The following PIK3AP1 variants were observed in gnomAD, a reference collection of about 807,000 sequenced individuals.
The protein encoded by PIK3AP1 is phosphoinositide-3-kinase adaptor protein 1.
Under a neutral mutation model 88.1 loss-of-function variants are expected in PIK3AP1, and 21 were observed. The ratio of observed to expected loss-of-function variants is 0.24; its 90% CI spans 0.17 to 0.34. The LOEUF (loss-of-function observed/expected upper bound fraction) is 0.34, where lower values mean the gene tolerates loss of function less well. Among genes scored for constraint, PIK3AP1 ranks in the 10% least tolerant of loss-of-function variants. The pLI, the probability that PIK3AP1 is intolerant of heterozygous loss-of-function variation, is 1.00. For synonymous variants in PIK3AP1, 398 were observed against 400.0 expected, an observed-to-expected ratio of 1.00 and a Z score of 0.06; for missense variants, 828 against 1,035.7, an observed-to-expected ratio of 0.80 and a Z score of 2.75.
chr10:96,663,675 A>G (rs769246126), intron 2 of PIK3AP1, among the ~76,000 whole-genome samples: 1 of 151,494 alleles, frequency 6.6e-6, no homozygotes, highest in Non-Finnish European at 1.5e-5. Context: ...GGCAAATCAC[A>G]AACAGTTTAA....
intron 1 of PIK3AP1, among the ~76,000 whole-genome samples, chr10:96,719,805 A>T (rs1247406627): frequency 6.6e-6 from 1 of 152,194 alleles, no homozygotes; most frequent in Admixed American, 6.5e-5. Flanking sequence ...AAAGTTCTGC[A>T]AAGGACGCAG....
At chr10:96,603,923 C>G in intron 15 of PIK3AP1, 56 bp downstream of exon 15, 3 of 1,440,728 alleles carry the variant, frequency 2.1e-6, no homozygotes, top group Admixed American at 4.5e-5. Flanking sequence ...GTTTCTATCT[C>G]TTGCGATGAA....
chr10:96,620,591 C>G lies in PIK3AP1; in HGVS notation c.1736-34G>C, dbSNP rs374339646. ...GATGGCAAAACTCAGCTTGACAGCT[C>G]CCCCACTGGGGACCACTCACCAGAA... is the stretch of plus-strand genomic sequence containing the variant. On this transcript the variant is annotated intron_variant, in intron 11 of 16. Coordinates refer to ENST00000339364, the MANE Select transcript of PIK3AP1 (RefSeq NM_152309.3). 9.1e-5 allele frequency: 146 copies of G among 1,596,024 alleles called. No homozygotes were observed. In the African/African-American group the frequency reaches 1.7e-3, roughly 18 times the overall value.
chr10:96,650,170 A>G (rs1843517129), intron 6 of PIK3AP1, among the ~76,000 whole-genome samples: 1 of 152,224 alleles, frequency 6.6e-6, no homozygotes, highest in African/African-American at 2.4e-5. Context: ...CTGCAAGAAC[A>G]TTCCATAGTA....
intron 2 of PIK3AP1, among the ~76,000 whole-genome samples, chr10:96,691,244 C>T (rs529509091): frequency 2.6e-5 from 4 of 152,286 alleles, no homozygotes; most frequent in South Asian, 2.1e-4. Flanking sequence ...CCCCACCTCC[C>T]GCAAACAGCA....
intron 2 of PIK3AP1, among the ~76,000 whole-genome samples, chr10:96,680,286 G>A (rs1169478257): frequency 3.9e-5 from 6 of 151,946 alleles, no homozygotes; most frequent in African/African-American, 7.3e-5. Flanking sequence ...AGCTTTTAGC[G>A]GCCACATCAT....
intron 2 of PIK3AP1, among the ~76,000 whole-genome samples, chr10:96,674,258 C>G (rs974265458): frequency 6.6e-6 from 1 of 152,176 alleles, no homozygotes; most frequent in Non-Finnish European, 1.5e-5. Context: ...AGCACAAACG[C>G]AATTACTAAC....
At chr10:96,684,796 G>A (rs1305411870) in intron 2 of PIK3AP1, among the ~76,000 whole-genome samples, 2 of 152,120 alleles carry the variant, frequency 1.3e-5, no homozygotes, top group Non-Finnish European at 2.9e-5. Flanking sequence ...CATCAGCAAT[G>A]GAAAACCTAA....
At chr10:96,713,940 G>A (rs898836622) in intron 1 of PIK3AP1, among the ~76,000 whole-genome samples, 5 of 152,088 alleles carry the variant, frequency 3.3e-5, no homozygotes, top group South Asian at 2.1e-4. Flanking sequence ...TTGGGAGGCC[G>A]AGGCAGGCGG....
At chr10:96,696,564 A>G (rs1844224208) in intron 2 of PIK3AP1, among the ~76,000 whole-genome samples, 1 of 152,212 alleles carries the variant, frequency 6.6e-6, no homozygotes, top group African/African-American at 2.4e-5. Flanking sequence ...ACATCCTGTA[A>G]TAACAGGGAA....
intron 2 of PIK3AP1, among the ~76,000 whole-genome samples, chr10:96,686,488 C>T (rs574157619): frequency 6.6e-6 from 1 of 152,272 alleles, no homozygotes; most frequent in African/African-American, 2.4e-5. Flanking sequence ...CAAAGAGAAA[C>T]CACAGGTAAC....
chr10:96,716,278 T>A (rs1217431262), intron 1 of PIK3AP1, among the ~76,000 whole-genome samples: 1 of 151,938 alleles, frequency 6.6e-6, no homozygotes, highest in African/African-American at 2.4e-5. Flanking sequence ...TGAGACCCTG[T>A]CTCATTAAAT....
At chr10:96,629,846 A>T (rs1419069854) in intron 8 of PIK3AP1, among the ~76,000 whole-genome samples, 1 of 144,500 alleles carries the variant, frequency 6.9e-6, no homozygotes, top group South Asian at 2.3e-4. Flanking sequence ...ATGAACTGTG[A>T]TCATGCCACT....
At chr10:96,699,881 G>C (rs1276487599) in intron 2 of PIK3AP1, among the ~76,000 whole-genome samples, 2 of 152,160 alleles carry the variant, frequency 1.3e-5, no homozygotes, top group Non-Finnish European at 2.9e-5. Context: ...AAATAATGTC[G>C]ATAAAAGGGT....
At chr10:96,660,886 T>C (rs1001174378) in intron 2 of PIK3AP1, among the ~76,000 whole-genome samples, 5 of 151,940 alleles carry the variant, frequency 3.3e-5, no homozygotes, top group African/African-American at 4.8e-5. Context: ...TATTACTAAG[T>C]GAAAGAAGTC....
At chr10:96,621,419 T>C (rs1843079537) in intron 11 of PIK3AP1, 1 of 152,628 alleles carries the variant, frequency 6.6e-6, no homozygotes, top group African/African-American at 2.4e-5. Context: ...CAGAACCCCA[T>C]TCTTGAGAGA....
At chr10:96,641,916 T>C (rs937832262) in intron 8 of PIK3AP1, among the ~76,000 whole-genome samples, 2 of 152,190 alleles carry the variant, frequency 1.3e-5, no homozygotes, top group African/African-American at 4.8e-5. Flanking sequence ...TAGCAGTTTG[T>C]CCTTTATCCT....
At chr10:96,656,772 G>C in intron 3 of PIK3AP1, 26 bp downstream of exon 3, 1 of 1,611,328 alleles carries the variant, frequency 6.2e-7, no homozygotes, top group Non-Finnish European at 8.5e-7. Flanking sequence ...CTGACATCCA[G>C]CTACCAGGCC....
intron 7 of PIK3AP1, among the ~76,000 whole-genome samples, chr10:96,647,536 C>A (rs778362160): frequency 3.3e-5 from 5 of 152,188 alleles, no homozygotes; most frequent in Non-Finnish European, 5.9e-5. Flanking sequence ...TGAGTAAATA[C>A]ACCCAGACTG....
Sources: gnomAD v4.1 joint callset for allele counts (sites outside exome capture counted in the v4.1 genomes callset) on GRCh38, gnomAD v4.1.1 for gene constraint, MANE v1.5 for transcripts, NCBI Gene and HGNC (gene_info 2026-07-23, HGNC 2026-07-21) for gene names.